The following PRKCZ variants were observed in gnomAD, a reference collection of about 807,000 sequenced individuals.
The protein encoded by PRKCZ is protein kinase C zeta type.
Under a neutral mutation model 79.5 loss-of-function variants are expected in PRKCZ, and 33 were observed. The observed-to-expected ratio is 0.41, with a 90% CI of 0.31 to 0.55. The LOEUF is 0.55. Ranked by LOEUF, PRKCZ falls within the 20% of genes least tolerant of loss-of-function variation. PRKCZ has a pLI of 0.19. For synonymous variants in PRKCZ, 342 were observed against 320.9 expected (o/e 1.07, Z -0.70); for missense variants, 578 against 813.5 (o/e 0.71, Z 3.52).
chr1:2,066,679 T>G (rs1661150471), intron 4 of PRKCZ, among the ~76,000 whole-genome samples: 1 of 152,240 alleles, frequency 6.6e-6, no homozygotes, highest in Non-Finnish European at 1.5e-5. Context: ...TTCTGCCAGC[T>G]TTTGGTTTGT....
At chr1:2,113,928 C>T (rs542330863) in intron 4 of PRKCZ, among the ~76,000 whole-genome samples, 15 of 151,850 alleles carry the variant, frequency 9.9e-5, no homozygotes, top group Middle Eastern at 3.4e-3. Context: ...GTAGAGAGGG[C>T]GGGGGCCCAG....
At position 2,174,968 on chromosome 1, in the gene PRKCZ, G is replaced by T; in HGVS notation, c.1485+135G>T. On this transcript the variant is annotated intron_variant, in intron 15 of 17. Coordinates refer to ENST00000378567, the MANE Select transcript of PRKCZ (RefSeq NM_002744.6). This position sits in a 1 kb window ranked among gnomAD's most constrained non-coding sequence, Gnocchi z 6.2. ...GTGTGTGGGTTGATTTTCCGCTTCAGTATTTGAGCTCTGTGTTCTGTGAAT... is the reference window on the plus strand; with the variant it reads ...GTGTGTGGGTTGATTTTCCGCTTCATTATTTGAGCTCTGTGTTCTGTGAAT... The T allele has an allele frequency of 1.1e-6, 1 of 931,410 alleles. No homozygotes were observed. Among genetic ancestry groups the T allele is most frequent in the Non-Finnish European group, 1.7e-6 (1 of 602,068 alleles). The allele number at this position is 931,410 out of a possible 1,614,324, so 57.7% of individuals were successfully genotyped here.
At chr1:2,167,729 C>G (rs761558062) in intron 10 of PRKCZ, among the ~76,000 whole-genome samples, 2 of 152,116 alleles carry the variant, frequency 1.3e-5, no homozygotes, top group Non-Finnish European at 1.5e-5. Context: ...CTCAGCCTCC[C>G]GAGTAGCTGA....
intron 4 of PRKCZ, among the ~76,000 whole-genome samples, chr1:2,110,096 C>G (rs1222165367): frequency 9.3e-5 from 13 of 139,552 alleles, no homozygotes; most frequent in Non-Finnish European, 1.6e-5. Flanking sequence ...AGGTGAGACA[C>G]AGAACGGCCA....
intron 4 of PRKCZ, among the ~76,000 whole-genome samples, chr1:2,059,927 C>A (rs1240752416): frequency 6.6e-6 from 1 of 152,206 alleles, no homozygotes; most frequent in African/African-American, 2.4e-5. Context: ...ACCCCTAGGC[C>A]AGTCGTCTGC....
intron 4 of PRKCZ, chr1:2,073,842 C>A: frequency 9.5e-7 from 1 of 1,053,154 alleles, no homozygotes; most frequent in Non-Finnish European, 1.1e-6. Context: ...AGCATCAGCT[C>A]GTCAACGGGA....
intron 4 of PRKCZ, chr1:2,074,248 A>C (rs1010944944): frequency 6.5e-7 from 1 of 1,550,340 alleles, no homozygotes; most frequent in South Asian, 1.2e-5. Flanking sequence ...GGGCTGCTGG[A>C]GGGACATGCT....
intron 5 of PRKCZ, chr1:2,143,463 A>G (rs1677824009): frequency 6.6e-6 from 1 of 152,286 alleles, no homozygotes; most frequent in South Asian, 2.1e-4. Context: ...CTCTGGGCAC[A>G]TGGTGACAGT....
At chr1:2,153,080 C>A (rs1487606654) in intron 9 of PRKCZ, among the ~76,000 whole-genome samples, 1 of 152,212 alleles carries the variant, frequency 6.6e-6, no homozygotes, top group African/African-American at 2.4e-5. Flanking sequence ...CACGCAGCCG[C>A]GCCGTTTCAC....
At chr1:2,183,516 A>G (rs1210542096) in intron 16 of PRKCZ, 1 of 152,238 alleles carries the variant, frequency 6.6e-6, no homozygotes, top group East Asian at 1.9e-4. Flanking sequence ...GGAGTGGGTT[A>G]GAGAGTGAGG....
intron 4 of PRKCZ, among the ~76,000 whole-genome samples, chr1:2,124,893 C>A (rs556442946): frequency 2.0e-5 from 3 of 152,144 alleles, no homozygotes; most frequent in Non-Finnish European, 4.4e-5. Context: ...TATTTTCCAG[C>A]TTTCGTCGAT....
At chr1:2,054,747 C>T (rs1483964188) in intron 1 of PRKCZ, among the ~76,000 whole-genome samples, 1 of 152,050 alleles carries the variant, frequency 6.6e-6, no homozygotes, top group Non-Finnish European at 1.5e-5. Context: ...TTAGTGAAGC[C>T]GGCGGCCTGC....
chr1:2,070,920 C>T (rs1163432945), intron 4 of PRKCZ, among the ~76,000 whole-genome samples: 1 of 152,128 alleles, frequency 6.6e-6, no homozygotes, highest in East Asian at 1.9e-4. Context: ...CCTGGCCCGT[C>T]TGCCTCCCGC....
chr1:2,109,687 C>A (rs139706661), intron 4 of PRKCZ, among the ~76,000 whole-genome samples: 2 of 152,168 alleles, frequency 1.3e-5, no homozygotes, highest in Non-Finnish European at 2.9e-5. Context: ...GTCCGGAAGG[C>A]GGTGCTAGGT....
At chr1:2,151,018 G>C (rs12069652) in intron 9 of PRKCZ, 40 bp downstream of exon 9, 541 of 1,606,878 alleles carry the variant, frequency 3.4e-4, no homozygotes, top group Non-Finnish European at 4.3e-4. Context: ...GCCCGGGAAC[G>C]CGCTGCCCTG....
intron 11 of PRKCZ, among the ~76,000 whole-genome samples, chr1:2,170,041 G>A (rs1235842628): frequency 2.6e-5 from 4 of 152,104 alleles, no homozygotes; most frequent in Non-Finnish European, 4.4e-5. Flanking sequence ...TGCCTCATCC[G>A]AGAGAAGTGA....
intron 4 of PRKCZ, among the ~76,000 whole-genome samples, chr1:2,068,992 G>A (rs890923372): frequency 2.0e-5 from 3 of 152,222 alleles, no homozygotes; most frequent in Admixed American, 1.3e-4. Context: ...TTGGGGAAAC[G>A]TGGCCCAGTT....
chr1:2,065,450 G>A (rs1378441443), intron 4 of PRKCZ, among the ~76,000 whole-genome samples: 5 of 152,124 alleles, frequency 3.3e-5, no homozygotes, highest in East Asian at 3.9e-4. Flanking sequence ...AGGCCCAGGC[G>A]GGTGGATCAC....
intron 5 of PRKCZ, among the ~76,000 whole-genome samples, chr1:2,137,993 C>T (rs1047166197): frequency 1.3e-5 from 2 of 152,184 alleles, no homozygotes; most frequent in Admixed American, 6.5e-5. Context: ...TCAGCCTGTC[C>T]GATTCCCGCC....
Sources: allele counts gnomAD v4.1 joint callset (sites outside exome capture counted in the v4.1 genomes callset), GRCh38; gene constraint gnomAD v4.1.1; non-coding constraint Gnocchi (gnomAD v3.1); transcripts MANE v1.5; gene names NCBI Gene and HGNC (gene_info 2026-07-23, HGNC 2026-07-21).